KCTD16: variants seen among roughly 807,000 people sequenced by gnomAD.
The protein encoded by KCTD16 is BTB/POZ domain-containing protein KCTD16.
A neutral mutation model predicts 33.2 loss-of-function variants in KCTD16; 13 were observed. The observed-to-expected ratio is 0.39, with a 90% CI of 0.25 to 0.62. The LOEUF (loss-of-function observed/expected upper bound fraction) is 0.62. Among genes scored for constraint, KCTD16 ranks in the 20% least tolerant of loss-of-function variants. KCTD16 has a pLI of 0.50. For synonymous variants in KCTD16, 197 were observed against 195.3 expected (o/e 1.01, Z -0.07); for missense variants, 441 against 525.1 (o/e 0.84, Z 1.57).
chr5:144,316,703 G>A (rs1189170962), intron 3 of KCTD16, among the ~76,000 whole-genome samples: 1 of 151,782 alleles, frequency 6.6e-6, no homozygotes, highest in East Asian at 1.9e-4. Flanking sequence ...AGTGGAGAAG[G>A]GGTTTCGCTG....
At chr5:144,312,348 A>G (rs1181046127) in intron 3 of KCTD16, among the ~76,000 whole-genome samples, 1 of 152,086 alleles carries the variant, frequency 6.6e-6, no homozygotes, top group Non-Finnish European at 1.5e-5. Context: ...TTAAACATAT[A>G]CAGTTGGAGG....
intron 3 of KCTD16, among the ~76,000 whole-genome samples, chr5:144,459,992 C>G (rs1293083458): frequency 6.6e-6 from 1 of 151,948 alleles, no homozygotes; most frequent in African/African-American, 2.4e-5. Context: ...GCCACCACGC[C>G]TGGCTAATTT....
intron 3 of KCTD16, among the ~76,000 whole-genome samples, chr5:144,403,909 A>C (rs1156801178): frequency 6.6e-6 from 1 of 152,120 alleles, no homozygotes; most frequent in Non-Finnish European, 1.5e-5. Flanking sequence ...TGGTAGAACA[A>C]ACTTAGGGTC....
chr5:144,325,619 G>A (rs549335876), intron 3 of KCTD16, among the ~76,000 whole-genome samples: 3 of 151,610 alleles, frequency 2.0e-5, no homozygotes, highest in Non-Finnish European at 2.9e-5. Context: ...TTCTCCTTTC[G>A]GCCTAGCTAT....
intron 3 of KCTD16, among the ~76,000 whole-genome samples, chr5:144,330,459 G>A (rs556903037): frequency 1.1e-4 from 17 of 149,774 alleles, no homozygotes; most frequent in African/African-American, 2.2e-4. Context: ...TATTTACTGG[G>A]ATTATAAAAA....
At chr5:144,266,322 A>G (rs957831456) in intron 3 of KCTD16, among the ~76,000 whole-genome samples, 8 of 152,110 alleles carry the variant, frequency 5.3e-5, no homozygotes, top group Non-Finnish European at 8.8e-5. Context: ...CCTTTCCACA[A>G]CCTGTATGGA....
intron 3 of KCTD16, among the ~76,000 whole-genome samples, chr5:144,323,079 C>A (rs891689355): frequency 2.0e-5 from 3 of 152,030 alleles, no homozygotes; most frequent in Non-Finnish European, 4.4e-5. Context: ...CTGAATGAAA[C>A]TAACAGAAAA....
chr5:144,314,190 G>A (rs1411303525), intron 3 of KCTD16, among the ~76,000 whole-genome samples: 1 of 152,136 alleles, frequency 6.6e-6, no homozygotes, highest in Non-Finnish European at 1.5e-5. Context: ...CAATGCACGA[G>A]ATCAATACAA....
At position 144,316,551 on chromosome 5, in the gene KCTD16, C is replaced by A. The variant is rs187242721; in HGVS notation, c.832+109005C>A. ...TTGAGACGGAGTTTCACTTTTATTG[C>A]CTAGGGTGGAGTGCAGTGGCGCGAT... On this transcript the variant is annotated intron_variant, in intron 3 of 3. Transcript: ENST00000512467. Among the ~76,000 whole-genome samples, 398 of 122,420 alleles carry A rather than the reference C, an allele frequency of 3.3e-3. 10 individuals are homozygous for A. Among genetic ancestry groups the A allele is most frequent in the Non-Finnish European group, 1.6e-3 (96 of 60,046 alleles). The allele number at this position is 122,420 out of a possible 152,430, so 80.3% of individuals were successfully genotyped here.
intron 3 of KCTD16, among the ~76,000 whole-genome samples, chr5:144,390,201 C>T (rs758858552): frequency 6.6e-6 from 1 of 152,200 alleles, no homozygotes; most frequent in Non-Finnish European, 1.5e-5. Context: ...GATAATTTAT[C>T]ATGGCTATCT....
At position 144,475,176 on chromosome 5, in the gene KCTD16, G is replaced by C. The variant is rs1236382502; in HGVS notation, c.*1062G>C. 6.6e-6 allele frequency: 1 copy of C among 152,186 alleles called. No individual in the cohort carries two copies. Among genetic ancestry groups the C allele is most frequent in the Admixed American group, 6.5e-5 (1 of 15,284 alleles). 9.4% of individuals were successfully genotyped at this position (152,186 alleles called of 1,614,324 possible). On this transcript the variant is annotated 3_prime_UTR_variant, in exon 4 of 4. Transcript: ENST00000512467. ...GAACTAAGGACAACACACAGTACTT[G>C]AATAAGGGTCCGGCCTTTTGTTTGT...
chr5:144,284,947 T>G (rs1755704294), intron 3 of KCTD16, among the ~76,000 whole-genome samples: 1 of 152,190 alleles, frequency 6.6e-6, no homozygotes, highest in African/African-American at 2.4e-5. Flanking sequence ...ACCTGAAATA[T>G]GCCATCATAG....
Position 144,210,107 on chromosome 5 carries a change from T to G in KCTD16, c.832+2561T>G, listed in dbSNP as rs11948618. Among the ~76,000 whole-genome samples the G allele has an allele frequency of 4.5e-3, 690 of 152,040 alleles. 2 individuals carry two copies. Among genetic ancestry groups the G allele is most frequent in the African/African-American group, 0.016 (664 of 41,460 alleles). The stretch of plus-strand genomic sequence containing the variant: ...GACTTCTTGTTTCCCTGTTTGCCTA[T>G]TTTTTCTTCTGAGTCTTCCAAGAAA... On this transcript the variant is annotated intron_variant, in intron 3 of 3. Coordinates refer to ENST00000512467, the MANE Select transcript of KCTD16 (RefSeq NM_020768.4).
intron 3 of KCTD16, among the ~76,000 whole-genome samples, chr5:144,348,152 T>A (rs889085556): frequency 6.6e-6 from 1 of 152,182 alleles, no homozygotes; most frequent in Non-Finnish European, 1.5e-5. Flanking sequence ...CCAATTTGTG[T>A]CCTCTCATTT....
At chr5:144,318,993 A>T (rs1752002499) in intron 3 of KCTD16, among the ~76,000 whole-genome samples, 1 of 152,204 alleles carries the variant, frequency 6.6e-6, no homozygotes, top group African/African-American at 2.4e-5. Context: ...TAAAAATAAG[A>T]TGAGGAAATG....
At chr5:144,384,939 C>T (rs1752292951) in intron 3 of KCTD16, among the ~76,000 whole-genome samples, 1 of 152,162 alleles carries the variant, frequency 6.6e-6, no homozygotes, top group Admixed American at 6.5e-5. Flanking sequence ...GAAGTGCATA[C>T]ATTTTGTGAT....
intron 3 of KCTD16, among the ~76,000 whole-genome samples, chr5:144,354,020 G>T (rs1751512812): frequency 6.6e-6 from 1 of 152,042 alleles, no homozygotes; most frequent in Admixed American, 6.6e-5. Flanking sequence ...TGCATATTTT[G>T]ATTATAAGGT....
intron 3 of KCTD16, among the ~76,000 whole-genome samples, chr5:144,280,859 G>A (rs1346952468): frequency 1.3e-5 from 2 of 150,124 alleles, no homozygotes; most frequent in African/African-American, 2.5e-5. Context: ...CCCGGCAGGC[G>A]GAGGTTACAG....
At chr5:144,296,507 A>C (rs1383668105) in intron 3 of KCTD16, among the ~76,000 whole-genome samples, 1 of 152,164 alleles carries the variant, frequency 6.6e-6, no homozygotes, top group African/African-American at 2.4e-5. Context: ...AAAAGTAAGA[A>C]TGTTCTATAG....
Sources: allele counts gnomAD v4.1 joint callset (sites outside exome capture counted in the v4.1 genomes callset), GRCh38; gene constraint gnomAD v4.1.1; transcripts MANE v1.5; gene names NCBI Gene and HGNC (gene_info 2026-07-23, HGNC 2026-07-21).